The following ASTN1 variants were observed in gnomAD, a reference collection of about 807,000 sequenced individuals.
ASTN1 encodes astrotactin-1.
ASTN1 carries 41 observed loss-of-function variants against 140.7 expected under a neutral mutation model. The observed-to-expected ratio is 0.29, with a 90% CI of 0.23 to 0.38. The LOEUF is 0.38. Ranked by LOEUF, ASTN1 falls within the 10% of genes least tolerant of loss-of-function variation. The pLI is 1.00. For synonymous variants in ASTN1, 640 were observed against 652.2 expected (o/e 0.98, Z 0.29); for missense variants, 1,479 against 1,678.8 (o/e 0.88, Z 2.08).
At chr1:177,105,479 C>T (rs1238497223) in intron 1 of ASTN1, among the ~76,000 whole-genome samples, 1 of 151,966 alleles carries the variant, frequency 6.6e-6, no homozygotes, top group Admixed American at 6.5e-5. Context: ...TTATTTTTCC[C>T]ATATTCCTCT....
intron 1 of ASTN1, among the ~76,000 whole-genome samples, chr1:177,148,793 G>C (rs1682837232): frequency 6.6e-6 from 1 of 151,642 alleles, no homozygotes; most frequent in African/African-American, 2.4e-5. Flanking sequence ...GAAGTTTCTT[G>C]GATTTAACAT....
At chr1:176,916,989 G>C (rs1266539845) in intron 16 of ASTN1, among the ~76,000 whole-genome samples, 3 of 151,980 alleles carry the variant, frequency 2.0e-5, no homozygotes, top group Admixed American at 2.0e-4. Context: ...ACAACCCAGG[G>C]TTGTGCTTTT....
intron 1 of ASTN1, among the ~76,000 whole-genome samples, chr1:177,090,690 T>C (rs1571768797): frequency 6.6e-6 from 1 of 152,306 alleles, no homozygotes; most frequent in South Asian, 2.1e-4. Context: ...GAGAGCTCAG[T>C]TGAAATGCTC....
chr1:177,056,676 T>G (rs1185126119), intron 2 of ASTN1, among the ~76,000 whole-genome samples: 1 of 151,926 alleles, frequency 6.6e-6, no homozygotes, highest in Non-Finnish European at 1.5e-5. Context: ...CTATTAACAC[T>G]GCCATCTTTA....
At chr1:177,053,613 G>T (rs1350971844) in intron 2 of ASTN1, among the ~76,000 whole-genome samples, 1 of 152,150 alleles carries the variant, frequency 6.6e-6, no homozygotes, top group Non-Finnish European at 1.5e-5. Context: ...TCTAAATGAA[G>T]GAATGAGTCA....
intron 8 of ASTN1, among the ~76,000 whole-genome samples, chr1:176,971,922 G>C (rs1378777602): frequency 6.6e-6 from 1 of 152,054 alleles, no homozygotes; most frequent in Non-Finnish European, 1.5e-5. Context: ...GCTCAATGAT[G>C]AGGATACATT....
At chr1:177,007,901 G>A (rs975126021) in intron 8 of ASTN1, among the ~76,000 whole-genome samples, 1 of 152,256 alleles carries the variant, frequency 6.6e-6, no homozygotes, top group African/African-American at 2.4e-5. Context: ...TAGCAAGCAT[G>A]GGTTGGGTTT....
At chr1:177,069,140 T>G (rs548043981) in intron 1 of ASTN1, among the ~76,000 whole-genome samples, 1 of 152,120 alleles carries the variant, frequency 6.6e-6, no homozygotes, top group Non-Finnish European at 1.5e-5. Context: ...GGAGTGGCTG[T>G]ATTGAAACTC....
chr1:177,077,331 G>A (rs750258623), intron 1 of ASTN1, among the ~76,000 whole-genome samples: 8 of 152,074 alleles, frequency 5.3e-5, no homozygotes, highest in Non-Finnish European at 1.0e-4. Context: ...CTCTGGTGAC[G>A]AGCACGCTAG....
chr1:177,125,904 T>C (rs1681620342), intron 1 of ASTN1, among the ~76,000 whole-genome samples: 1 of 152,186 alleles, frequency 6.6e-6, no homozygotes, highest in Non-Finnish European at 1.5e-5. Context: ...GTAATAATAA[T>C]ACTCTCTTTC....
chr1:176,935,611 A>G (rs1371369834), intron 15 of ASTN1, among the ~76,000 whole-genome samples: 1 of 152,090 alleles, frequency 6.6e-6, no homozygotes, highest in Admixed American at 6.6e-5. Context: ...TAACTTTTCT[A>G]TTTGTCCTCT....
At position 177,061,081 on chromosome 1, in the gene ASTN1, GA is replaced by G. The variant is rs1678059981; in HGVS notation, c.467del (p.Val156AlafsTer5). The G allele has an allele frequency of 1.3e-6, 2 of 1,596,942 alleles. No individual in the cohort carries two copies. Among genetic ancestry groups the G allele is most frequent in the Non-Finnish European group, 1.7e-6 (2 of 1,172,022 alleles). ...EEELRILHIS[V>X]MGGMIALLLS... ...GCTAAGGCTGTTCTGCTCTTACCATGACTGAGATGTGGAGGATCCTCAGCTC... is the reference window on the plus strand; with the variant it reads ...GCTAAGGCTGTTCTGCTCTTACCATGCTGAGATGTGGAGGATCCTCAGCTC... On this transcript the variant is annotated frameshift_variant, in exon 2 of 23. Transcript: ENST00000361833. LOFTEE classifies it high-confidence loss of function.
At chr1:176,938,453 G>A (rs12563589) in intron 14 of ASTN1, among the ~76,000 whole-genome samples, 17,913 of 152,200 alleles carry the variant, frequency 0.12, 1,340 homozygotes, top group Admixed American at 0.18. Flanking sequence ...TGATTTCCTA[G>A]GGGAAAAAGA....
chr1:177,058,043 T>C, intron 2 of ASTN1, among the ~76,000 whole-genome samples: 1 of 152,174 alleles, frequency 6.6e-6, no homozygotes, highest in East Asian at 1.9e-4. Flanking sequence ...AACTTCAGAC[T>C]TTGAAATTGT....
At chr1:177,078,971 G>A (rs1381698345) in intron 1 of ASTN1, among the ~76,000 whole-genome samples, 1 of 152,092 alleles carries the variant, frequency 6.6e-6, no homozygotes, top group African/African-American at 2.4e-5. Context: ...AGTCTGGTTT[G>A]TTTATTAGTT....
chr1:177,074,220 C>T (rs1458242797), intron 1 of ASTN1, among the ~76,000 whole-genome samples: 2 of 152,194 alleles, frequency 1.3e-5, no homozygotes, highest in Non-Finnish European at 2.9e-5. Flanking sequence ...AATCATCTCT[C>T]CTTTCTGCCC....
chr1:176,861,615 C>T lies in ASTN1; in HGVS notation c.*2669G>A. ...TCCTAAGATTTTCCCCTGCCCTGTT[C>T]ATATCAGCCTTTTTAACTTGAATGT... On this transcript the variant is annotated 3_prime_UTR_variant, in exon 23 of 23. Transcript: ENST00000361833. 1 of 985,510 alleles carries T rather than the reference C, an allele frequency of 1.0e-6. No homozygotes were observed. The highest frequency in any genetic ancestry group is 1.2e-6 in the Non-Finnish European group (1 of 829,982). 61.0% of individuals were successfully genotyped at this position (985,510 alleles called of 1,614,324 possible).
intron 8 of ASTN1, among the ~76,000 whole-genome samples, chr1:177,012,609 A>G (rs1426216751): frequency 1.3e-5 from 2 of 152,206 alleles, no homozygotes; most frequent in African/African-American, 2.4e-5. Context: ...CTTGTTTTAA[A>G]TGACACTTAT....
intron 17 of ASTN1, among the ~76,000 whole-genome samples, chr1:176,891,717 C>T (rs1180316387): frequency 2.0e-5 from 3 of 152,054 alleles, no homozygotes; most frequent in Non-Finnish European, 4.4e-5. Flanking sequence ...CGCTTGAACC[C>T]GGGAAGAGGA....
Sources: allele counts gnomAD v4.1 joint callset (sites outside exome capture counted in the v4.1 genomes callset), GRCh38; gene constraint gnomAD v4.1.1; transcripts MANE v1.5; gene names NCBI Gene and HGNC (gene_info 2026-07-23, HGNC 2026-07-21).